The following AGBL1 variants were observed in gnomAD, a reference collection of about 807,000 sequenced individuals.
The protein encoded by AGBL1 is cytosolic carboxypeptidase 4.
A neutral mutation model predicts 118.9 loss-of-function variants in AGBL1; 130 were observed. The ratio of observed to expected loss-of-function variants is 1.09; its 90% CI spans 0.95 to 1.26. The LOEUF (loss-of-function observed/expected upper bound fraction) is 1.26. Among genes scored for constraint, AGBL1 ranks in the 50% most tolerant of loss-of-function variants. AGBL1 has a pLI of 0.00. For missense variants in AGBL1, 1,584 were observed against 1,298.1 expected (o/e 1.22, Z -3.38); for synonymous variants, 555 against 478.9 (o/e 1.16, Z -2.08).
At chr15:86,677,206 C>G (rs921738950) in intron 22 of AGBL1, among the ~76,000 whole-genome samples, 1 of 152,164 alleles carries the variant, frequency 6.6e-6, no homozygotes, top group Non-Finnish European at 1.5e-5. Flanking sequence ...TACTCAATAT[C>G]CACAGAGCAA....
intron 24 of AGBL1, among the ~76,000 whole-genome samples, chr15:86,995,027 G>A (rs767421175): frequency 1.1e-4 from 16 of 152,088 alleles, no homozygotes; most frequent in East Asian, 1.9e-4. Context: ...GATGGAGACC[G>A]TGTTACATTA....
In AGBL1 at chr15:86,809,881, G is replaced by A. The variant is rs570213742; in HGVS notation, c.3159-97206G>A. On this transcript the variant is annotated intron_variant, in intron 22 of 22. Coordinates refer to ENST00000614907, the MANE Select transcript of AGBL1 (RefSeq NM_001386094.1). ...GGACCTGGCTTTGGGCTTTCTTGAT[G>A]TGAGTTTTATATGTCGTTTGGCCAA... Among the ~76,000 whole-genome samples the A allele has an allele frequency of 2.4e-3, 370 of 152,160 alleles. 2 individuals are homozygous for A. Among genetic ancestry groups the A allele is most frequent in the African/African-American group, 8.4e-3 (347 of 41,514 alleles).
At chr15:86,130,344 T>G (rs1234663565) in intron 1 of AGBL1, among the ~76,000 whole-genome samples, 2 of 152,130 alleles carry the variant, frequency 1.3e-5, no homozygotes, top group Non-Finnish European at 1.5e-5. Flanking sequence ...TTATTATACG[T>G]TAAGCATGAA....
chr15:86,758,320 C>A (rs2077971517), intron 22 of AGBL1, among the ~76,000 whole-genome samples: 1 of 152,080 alleles, frequency 6.6e-6, no homozygotes, highest in African/African-American at 2.4e-5. Flanking sequence ...CTTTCTGGTT[C>A]ATAATCTACT....
intron 22 of AGBL1, among the ~76,000 whole-genome samples, chr15:86,748,510 CTTTTTTTTTTTTTTTTTTTTTTT>C (rs752203969): frequency 0.017 from 171 of 9,780 alleles, 7 homozygotes; most frequent in Middle Eastern, 0.1. Context: ...TCAATTTTGG[CTTTTTTTTTTTTTTTTTTTTTTT>C]TTTTTTTTTT....
At chr15:86,624,363 T>C (rs771865748) in intron 21 of AGBL1, among the ~76,000 whole-genome samples, 1 of 152,218 alleles carries the variant, frequency 6.6e-6, no homozygotes, top group Non-Finnish European at 1.5e-5. Flanking sequence ...CTATTGGGCA[T>C]GGAACACATT....
chr15:86,272,894 T>C (rs1477314876), intron 15 of AGBL1, among the ~76,000 whole-genome samples: 5 of 152,196 alleles, frequency 3.3e-5, no homozygotes. Context: ...GGCTCACCTA[T>C]CTTAAGACTC....
chr15:87,022,908 C>G (rs1228567278), intron 24 of AGBL1, among the ~76,000 whole-genome samples: 1 of 151,962 alleles, frequency 6.6e-6, no homozygotes, highest in Non-Finnish European at 1.5e-5. Flanking sequence ...CAAACAAATG[C>G]TGAGAGAATT....
intron 18 of AGBL1, among the ~76,000 whole-genome samples, chr15:86,456,487 C>A (rs1320847100): frequency 6.6e-6 from 1 of 152,114 alleles, no homozygotes; most frequent in Non-Finnish European, 1.5e-5. Context: ...GATGATGATG[C>A]CTTTGAGAGC....
Position 86,912,286 on chromosome 15 carries a change from C to A in AGBL1, c.*4992C>A, listed in dbSNP as rs958072422. 1.3e-5 allele frequency: 2 copies of A among 152,138 alleles called. No individual in the cohort carries two copies. Among genetic ancestry groups the A allele is most frequent in the Non-Finnish European group, 2.9e-5 (2 of 68,054 alleles). 9.4% of individuals were successfully genotyped at this position (152,138 alleles called of 1,614,324 possible). A position where few individuals can be genotyped will look rare whatever the true frequency, so the allele number is the denominator to read the frequency against. On this transcript the variant is annotated 3_prime_UTR_variant, in exon 23 of 23. Coordinates refer to ENST00000614907, the MANE Select transcript of AGBL1 (RefSeq NM_001386094.1). Reference sequence around the variant, plus strand: ...AAGGGGCAGGGTGTCCTTTTCCTTACCTGTGTTGTGCAAATGCTTAGAGTG... The same window carrying A: ...AAGGGGCAGGGTGTCCTTTTCCTTAACTGTGTTGTGCAAATGCTTAGAGTG...
chr15:86,875,911 C>T (rs1466403981), intron 22 of AGBL1, among the ~76,000 whole-genome samples: 2 of 152,156 alleles, frequency 1.3e-5, no homozygotes, highest in Non-Finnish European at 2.9e-5. Flanking sequence ...ATTGATCAAT[C>T]CTCAAGCATC....
At chr15:86,321,522 A>C (rs1017703567) in intron 17 of AGBL1, among the ~76,000 whole-genome samples, 2 of 151,958 alleles carry the variant, frequency 1.3e-5, no homozygotes, top group Non-Finnish European at 1.5e-5. Flanking sequence ...TAATCCCAGC[A>C]CTTTGGGAGG....
intron 18 of AGBL1, among the ~76,000 whole-genome samples, chr15:86,448,124 G>A (rs1018493202): frequency 8.5e-5 from 13 of 152,160 alleles, no homozygotes; most frequent in Non-Finnish European, 1.9e-4. Flanking sequence ...CAGCCTGGAC[G>A]ACAGAGCAAG....
At chr15:86,482,918 A>G (rs1269684962) in intron 18 of AGBL1, among the ~76,000 whole-genome samples, 1 of 152,056 alleles carries the variant, frequency 6.6e-6, no homozygotes, top group Non-Finnish European at 1.5e-5. Flanking sequence ...TGTATTTCTC[A>G]TAAAGAGTTA....
chr15:86,736,719 A>G (rs923199635), intron 22 of AGBL1, among the ~76,000 whole-genome samples: 1 of 152,176 alleles, frequency 6.6e-6, no homozygotes, highest in Non-Finnish European at 1.5e-5. Flanking sequence ...CATAGTCTCC[A>G]TGGGGATAAG....
chr15:86,732,205 A>T (rs994296276), intron 22 of AGBL1, among the ~76,000 whole-genome samples: 2 of 152,234 alleles, frequency 1.3e-5, no homozygotes, highest in African/African-American at 4.8e-5. Flanking sequence ...TTATTCTTTT[A>T]TACCTTAGTG....
chr15:86,336,745 T>C (rs1390095594), intron 17 of AGBL1, among the ~76,000 whole-genome samples: 1 of 152,164 alleles, frequency 6.6e-6, no homozygotes, highest in African/African-American at 2.4e-5. Flanking sequence ...TCCCACTAAA[T>C]CCCTTACAGA....
At chr15:86,503,764 CTAATT>C (rs918945625) in intron 18 of AGBL1, among the ~76,000 whole-genome samples, 12 of 151,274 alleles carry the variant, frequency 7.9e-5, no homozygotes, top group African/African-American at 2.9e-4. Flanking sequence ...CTATTGGTAT[CTAATT>C]TATTTTGGTT....
At chr15:86,161,379 G>A (rs368689994) in intron 5 of AGBL1, among the ~76,000 whole-genome samples, 12 of 152,218 alleles carry the variant, frequency 7.9e-5, no homozygotes, top group South Asian at 4.2e-4. Flanking sequence ...TCTGCAAGGC[G>A]GGTGCTATTA....
Sources: allele counts gnomAD v4.1 joint callset (sites outside exome capture counted in the v4.1 genomes callset), GRCh38; gene constraint gnomAD v4.1.1; transcripts MANE v1.5; gene names NCBI Gene and HGNC (gene_info 2026-07-23, HGNC 2026-07-21).